The following DNAH11 variants were observed in gnomAD, a reference collection of about 807,000 sequenced individuals.
DNAH11 encodes axonemal beta dynein heavy chain 11.
A neutral mutation model predicts 526.0 loss-of-function variants in DNAH11; 442 were observed. That is an observed-to-expected ratio of 0.84 (90% CI 0.78 to 0.91). DNAH11 has a LOEUF of 0.91. Among genes scored for constraint, DNAH11 ranks in the 40% least tolerant of loss-of-function variants. The pLI, the probability that DNAH11 is intolerant of heterozygous loss-of-function variation, is 0.00. For missense variants in DNAH11, 6,989 were observed against 5,448.7 expected (o/e 1.28, Z -8.90); for synonymous variants, 2,461 against 1,935.9 (o/e 1.27, Z -7.12).
At chr7:21,777,736 A>C (rs1442794276) in intron 56 of DNAH11, among the ~76,000 whole-genome samples, 1 of 152,318 alleles carries the variant, frequency 6.6e-6, no homozygotes, top group South Asian at 2.1e-4. Flanking sequence ...TCACTATGCA[A>C]AGTTACCCTG....
chr7:21,840,958 G>T (rs1348475387), intron 65 of DNAH11, among the ~76,000 whole-genome samples: 2 of 152,140 alleles, frequency 1.3e-5, no homozygotes, highest in Non-Finnish European at 2.9e-5. Context: ...AAGGCGGGTG[G>T]ATCACCTGAG....
At chr7:21,871,732 G>C (rs193022608) in intron 73 of DNAH11, among the ~76,000 whole-genome samples, 1 of 152,258 alleles carries the variant, frequency 6.6e-6, no homozygotes, top group East Asian at 1.9e-4. Flanking sequence ...CTTTGCTAGA[G>C]TGGACGGCCA....
At chr7:21,854,230 T>G in intron 67 of DNAH11, 85 bp from the exon 68 acceptor site, 1 of 1,456,690 alleles carries the variant, frequency 6.9e-7, no homozygotes, top group Non-Finnish European at 9.3e-7. Flanking sequence ...AATTTTTCAT[T>G]TCAGGTACGT....
At chr7:21,857,382 G>C (rs1006199366) in intron 68 of DNAH11, among the ~76,000 whole-genome samples, 1 of 152,120 alleles carries the variant, frequency 6.6e-6, no homozygotes, top group Non-Finnish European at 1.5e-5. Context: ...TAAGATGTCA[G>C]TTCGCTCCAA....
chr7:21,601,305 A>G (rs1785074299), intron 17 of DNAH11, 91 bp from the exon 18 acceptor site: 1 of 1,447,398 alleles, frequency 6.9e-7, no homozygotes, highest in East Asian at 2.3e-5. Flanking sequence ...TCAGGTACAT[A>G]ATGAAAATAA....
chr7:21,543,169 G>T lies in DNAH11; in HGVS notation c.-77G>T. 1 of 1,445,272 alleles carries T rather than the reference G, an allele frequency of 6.9e-7. No individual in the cohort carries two copies. 89.5% of individuals were successfully genotyped at this position (1,445,272 alleles called of 1,614,324 possible). ...GAGGAGGGTGGGCGCCTGCGGAGGT[G>T]TCCTCGCTCACTTCGGGGGGCCCAG... On this transcript the variant is annotated 5_prime_UTR_variant, in exon 1 of 82. Transcript: ENST00000409508.
intron 28 of DNAH11, among the ~76,000 whole-genome samples, chr7:21,651,625 A>T (rs1170152268): frequency 6.6e-6 from 1 of 152,232 alleles, no homozygotes; most frequent in Non-Finnish European, 1.5e-5. Context: ...AGGTATTTTC[A>T]GTTTACTTAC....
chr7:21,710,708 A>G lies in DNAH11; in HGVS notation c.6834+5A>G, dbSNP rs920634147. On this transcript the variant is annotated splice_donor_5th_base_variant and intron_variant, in intron 41 of 81. Coordinates refer to ENST00000409508, the MANE Select transcript of DNAH11 (RefSeq NM_001277115.2). Reference sequence around the variant, plus strand: ...ACTGTAATGGATGATAACAAGGTGAATAAAACCTCTGTTCTCAACCTTAAA... The same window carrying G: ...ACTGTAATGGATGATAACAAGGTGAGTAAAACCTCTGTTCTCAACCTTAAA... The G allele has an allele frequency of 2.4e-5, 38 of 1,608,992 alleles. No individual in the cohort carries two copies. The highest frequency in any genetic ancestry group is 4.0e-5 in the African/African-American group (3 of 74,818).
At chr7:21,834,445 A>G (rs751805809) in intron 65 of DNAH11, among the ~76,000 whole-genome samples, 1 of 152,134 alleles carries the variant, frequency 6.6e-6, no homozygotes, top group Non-Finnish European at 1.5e-5. Flanking sequence ...ACAAGAACAA[A>G]CTAAACCCAA....
At chr7:21,830,402 G>C (rs1790500022) in intron 65 of DNAH11, among the ~76,000 whole-genome samples, 1 of 152,168 alleles carries the variant, frequency 6.6e-6, no homozygotes, top group African/African-American at 2.4e-5. Flanking sequence ...TCTGACCAAA[G>C]ACTAGCAGGG....
At chr7:21,652,794 T>C (rs1781841147) in intron 28 of DNAH11, among the ~76,000 whole-genome samples, 1 of 152,220 alleles carries the variant, frequency 6.6e-6, no homozygotes, top group African/African-American at 2.4e-5. Flanking sequence ...ATTGGTTCTT[T>C]TTAAAAAATG....
chr7:21,547,651 G>A lies in DNAH11; in HGVS notation c.495+2502G>A, dbSNP rs557647154. 7.9e-5 allele frequency among the ~76,000 whole-genome samples: 12 copies of A among 152,110 alleles called. No homozygotes were observed. In the South Asian group the frequency reaches 1.9e-3, roughly 24 times the overall value. On this transcript the variant is annotated intron_variant, in intron 2 of 81. Transcript: ENST00000409508. ...CTTCCCTTTTATGGGCTGACTCCTC[G>A]TCTACATTCTGTTCCTTTATCATGA...
chr7:21,770,948 A>G (rs764126625), intron 55 of DNAH11, among the ~76,000 whole-genome samples: 3 of 152,214 alleles, frequency 2.0e-5, no homozygotes, highest in Non-Finnish European at 2.9e-5. Context: ...TTCTTTCTTT[A>G]ATAAGCCACC....
Position 21,591,028 on chromosome 7 carries a change from T to G in DNAH11, c.2274+6T>G. ...AAAGGAACACTATTTTAAAGGTTTG[T>G]GATTTTTGTTAAAAAAAAGATACTA... On this transcript the variant is annotated splice_donor_region_variant and intron_variant, in intron 13 of 81. Coordinates refer to ENST00000409508, the MANE Select transcript of DNAH11 (RefSeq NM_001277115.2). 1 of 1,482,084 alleles carries G rather than the reference T, an allele frequency of 6.7e-7. No homozygotes were observed. Among genetic ancestry groups the G allele is most frequent in the South Asian group, 1.5e-5 (1 of 66,700 alleles). The allele number at this position is 1,482,084 out of a possible 1,614,324, so 91.8% of individuals were successfully genotyped here. A position where few individuals can be genotyped will look rare whatever the true frequency, so the allele number is the denominator to read the frequency against.
intron 56 of DNAH11, among the ~76,000 whole-genome samples, chr7:21,776,854 A>G (rs776680276): frequency 6.6e-6 from 1 of 152,218 alleles, no homozygotes; most frequent in Non-Finnish European, 1.5e-5. Context: ...AGCATCCTGC[A>G]TAACTAGTAC....
chr7:21,805,642 C>G lies in DNAH11; in HGVS notation c.10166-2241C>G, dbSNP rs139022451. Among the ~76,000 whole-genome samples, 234 of 152,194 alleles carry G rather than the reference C, an allele frequency of 1.5e-3. 1 individual carries two copies. Among genetic ancestry groups the G allele is most frequent in the African/African-American group, 5.2e-3 (214 of 41,524 alleles). On this transcript the variant is annotated intron_variant, in intron 62 of 81. Transcript: ENST00000409508. ...TATATAATTAGACTGTTTTCCGGGA[C>G]TAGTTACAGAATGTCTGAAAGTTTT...
At chr7:21,759,788 A>G (rs990693083) in intron 54 of DNAH11, among the ~76,000 whole-genome samples, 11 of 152,336 alleles carry the variant, frequency 7.2e-5, no homozygotes, top group Middle Eastern at 6.8e-3. Flanking sequence ...TTACGATGAG[A>G]TCTTATCTAA....
chr7:21,766,543 G>C (rs4722053), intron 55 of DNAH11, among the ~76,000 whole-genome samples: 61,539 of 152,006 alleles, frequency 0.4, 15,972 homozygotes, highest in African/African-American at 0.72. Flanking sequence ...TAGCCCCACC[G>C]TTACCCAAAA....
intron 23 of DNAH11, among the ~76,000 whole-genome samples, 168 bp downstream of exon 23, chr7:21,617,945 C>T (rs1253099417): frequency 6.6e-6 from 1 of 152,174 alleles, no homozygotes; most frequent in East Asian, 1.9e-4. Flanking sequence ...CCTGATCCGA[C>T]CAACAATTTA....
Sources: allele counts gnomAD v4.1 joint callset (sites outside exome capture counted in the v4.1 genomes callset), GRCh38; gene constraint gnomAD v4.1.1; transcripts MANE v1.5; gene names NCBI Gene and HGNC (gene_info 2026-07-23, HGNC 2026-07-21).